RASSF7: variants seen among roughly 807,000 people sequenced by gnomAD.
The protein encoded by RASSF7 is ras association domain-containing protein 7.
In RASSF7, 41 loss-of-function variants were observed where a neutral mutation model predicts 33.8. The ratio of observed to expected loss-of-function variants is 1.21; its 90% confidence interval spans 0.95 to 1.57. The LOEUF is 1.57. Among genes scored for constraint, RASSF7 ranks in the 40% most tolerant of loss-of-function variants. RASSF7 has a pLI of 0.00. For missense variants in RASSF7, 622 were observed against 497.0 expected, an observed-to-expected ratio of 1.25 and a Z score of -2.39; for synonymous variants, 298 against 212.8, an observed-to-expected ratio of 1.40 and a Z score of -3.48.
In RASSF7 at chr11:562,075, C is replaced by A. The variant is rs746992025; in HGVS notation, c.125-4C>A. ...ATAGGCTGACCTTCTCCTCTTCTTC[C>A]CAGGCCAGACTGGCCGCTTTGTGCT... is the stretch of plus-strand genomic sequence containing the variant. On this transcript the variant is annotated splice_polypyrimidine_tract_variant and splice_region_variant and intron_variant, in intron 2 of 5. Coordinates refer to ENST00000397583, the MANE Select transcript of RASSF7 (RefSeq NM_003475.4). 4 of 1,508,698 alleles carry A rather than the reference C, an allele frequency of 2.7e-6. No homozygotes were observed. Among genetic ancestry groups the A allele is most frequent in the Non-Finnish European group, 3.5e-6 (4 of 1,126,808 alleles). 93.5% of individuals were successfully genotyped at this position (1,508,698 alleles called of 1,614,324 possible).
rs544432445 is a variant in RASSF7 at position 561,014 on chromosome 11, C to G, written c.-471C>G. The G allele has an allele frequency of 7.8e-6, 8 of 1,020,084 alleles. No homozygotes were observed. Among genetic ancestry groups the G allele is most frequent in the Non-Finnish European group, 9.4e-6 (8 of 853,446 alleles). 63.2% of individuals were successfully genotyped at this position (1,020,084 alleles called of 1,614,324 possible). The stretch of plus-strand genomic sequence containing the variant: ...GTTGCGGCGGCGCCGGAGCGGGTCT[C>G]CAGGCTGGCGAGCGCCCAGGTGAGC... On this transcript the variant is annotated 5_prime_UTR_variant, in exon 1 of 6. Transcript: ENST00000397583.
rs202059750 is a variant in RASSF7 at position 562,495 on chromosome 11, C to T, written c.541C>T (p.Arg181Trp). The T allele has an allele frequency of 1.7e-4, 258 of 1,550,018 alleles. 1 individual carries two copies. The East Asian group carries it at 5.4e-3, about 32-fold the overall frequency. ...HEAFWEQELR[R>W]EQAREREGQA... Reference sequence around the variant, plus strand: ...GGCCTTCTGGGAGCAAGAGCTGCGCCGGGAGCAGGCCCGGGAGCGAGAGGG... The same window carrying T: ...GGCCTTCTGGGAGCAAGAGCTGCGCTGGGAGCAGGCCCGGGAGCGAGAGGG... Residue 181 changes from arginine (R) to tryptophan (W), a missense_variant, in exon 3 of 6, where the codon CGG (arginine) becomes TGG (tryptophan). Transcript: ENST00000397583.
At position 562,764 on chromosome 11, in the gene RASSF7, G is replaced by T; in HGVS notation, c.810G>T (p.Glu270Asp). 1 of 1,505,986 alleles carries T rather than the reference G, an allele frequency of 6.6e-7. No homozygotes were observed. The highest frequency in any genetic ancestry group is 8.8e-7 in the Non-Finnish European group (1 of 1,131,030). 93.3% of individuals were successfully genotyped at this position (1,505,986 alleles called of 1,614,324 possible). A position where few individuals can be genotyped will look rare whatever the true frequency, so the allele number is the denominator to read the frequency against. ...TGAGCCGGGCCCTGGAGGCAGCAGA[G>T]CGAGCCTTGCAGGTGAGCCCGGGGA... ...ALVSRALEAA[E>D]RALQAQAQEL... Residue 270 changes from glutamate (E) to aspartate (D), a missense_variant, in exon 3 of 6, where the codon GAG (glutamate) becomes GAT (aspartate). Glu to Asp is a conservative substitution (Grantham distance 45). Transcript: ENST00000397583.
At chr11:562,798 CCT>C (rs1203659360) in intron 3 of RASSF7, 22 bp downstream of exon 3, 19 of 1,443,070 alleles carry the variant, frequency 1.3e-5, no homozygotes, top group Admixed American at 7.8e-5. Context: ...GACCTGATCC[CCT>C]GTCACTCCCC....
At position 563,391 on chromosome 11, in the gene RASSF7, C is replaced by G; in HGVS notation, c.952-5C>G. On this transcript the variant is annotated splice_polypyrimidine_tract_variant and splice_region_variant and intron_variant, in intron 4 of 5. Coordinates refer to ENST00000397583, the MANE Select transcript of RASSF7 (RefSeq NM_003475.4). ...CCCACTCCAAGCTGACTTCCCAACC[C>G]ACAGGGCCCTCTGCCTCCAGCCAGA... The G allele has an allele frequency of 6.2e-7, 1 of 1,611,196 alleles. No individual in the cohort carries two copies. Among genetic ancestry groups the G allele is most frequent in the South Asian group, 1.1e-5 (1 of 90,834 alleles).
In RASSF7 at chr11:563,971, G is replaced by A. The variant is rs980371344; in HGVS notation, c.*326G>A. On this transcript the variant is annotated 3_prime_UTR_variant, in exon 6 of 6. Transcript: ENST00000397583. ...GTGTACACAGCAAGAGCATGTGTGT[G>A]CCACTTCCCCTACCCCAACGTGAAA... The A allele has an allele frequency of 4.7e-6, 2 of 423,476 alleles. No individual in the cohort carries two copies. Among genetic ancestry groups the A allele is most frequent in the Non-Finnish European group, 4.2e-6 (1 of 236,966 alleles). 26.2% of individuals were successfully genotyped at this position (423,476 alleles called of 1,614,324 possible).
Position 563,887 on chromosome 11 carries a change from A to T in RASSF7, c.*242A>T. 1.7e-6 allele frequency: 1 copy of T among 580,148 alleles called. No homozygotes were observed. Among genetic ancestry groups the T allele is most frequent in the Non-Finnish European group, 3.1e-6 (1 of 326,862 alleles). 35.9% of individuals were successfully genotyped at this position (580,148 alleles called of 1,614,324 possible). A position where few individuals can be genotyped will look rare whatever the true frequency, so the allele number is the denominator to read the frequency against. ...ACTGCCTGTTGGGGACAGGAGATGC[A>T]TGGACAGTGTGCTCAAGCTGTGGGC... On this transcript the variant is annotated 3_prime_UTR_variant, in exon 6 of 6. Transcript: ENST00000397583.
chr11:563,802 G>A lies in RASSF7; in HGVS notation c.*157G>A, dbSNP rs1483534474. The stretch of plus-strand genomic sequence containing the variant: ...TGCCCTAGTCCTTGCCAGGTCGCCA[G>A]CACCCTGGAGAAGCATGGGGCGTAG... On this transcript the variant is annotated 3_prime_UTR_variant, in exon 6 of 6. Transcript: ENST00000397583. The A allele has an allele frequency of 4.3e-6, 3 of 695,102 alleles. No homozygotes were observed. The highest frequency in any genetic ancestry group is 5.5e-5 in the East Asian group (2 of 36,550). 43.1% of individuals were successfully genotyped at this position (695,102 alleles called of 1,614,324 possible).
chr11:563,424 CCCT>C lies in RASSF7; in HGVS notation c.984_986del (p.Leu329del), dbSNP rs753246720. The C allele has an allele frequency of 6.2e-7, 1 of 1,611,834 alleles. No individual in the cohort carries two copies. Among genetic ancestry groups the C allele is most frequent in the South Asian group, 1.1e-5 (1 of 90,950 alleles). ...CCTCTGCCTCCAGCCAGAGAGGAGT[CCCT>C]CCTGGGCGCTCCCTCTGAGTCCCAT... On this transcript the variant is annotated inframe_deletion, in exon 5 of 6. Transcript: ENST00000397583.
At chr11:563,118 G>A in intron 3 of RASSF7, 71 bp from the exon 4 acceptor site, 1 of 1,428,482 alleles carries the variant, frequency 7.0e-7, no homozygotes, top group Non-Finnish European at 9.4e-7. Context: ...ACCAGGGAAA[G>A]TGCTCCCTCC....
At chr11:561,682 G>T in intron 1 of RASSF7, 80 bp from the exon 2 acceptor site, 1 of 1,586,980 alleles carries the variant, frequency 6.3e-7, no homozygotes, top group Non-Finnish European at 8.6e-7. Flanking sequence ...TCTAGGGCAG[G>T]CCAAGAGGAT....
At position 562,417 on chromosome 11, in the gene RASSF7, C is replaced by T. The variant is rs543497866; in HGVS notation, c.463C>T (p.Leu155=). ...ACCCACACCAGGCTGCTGCACAGAC[C>T]TGCGGGGCCTGGAGCTCAGGGTGCA... ...VTPTPGCCTD[L]RGLELRVQRN... The change falls in exon 3 of 6, where the codon CTG becomes TTG. Residue 155 remains leucine (L), a synonymous_variant. Coordinates refer to ENST00000397583, the MANE Select transcript of RASSF7 (RefSeq NM_003475.4). The T allele has an allele frequency of 2.6e-6, 4 of 1,557,826 alleles. No individual in the cohort carries two copies. Among genetic ancestry groups the T allele is most frequent in the African/African-American group, 2.7e-5 (2 of 73,368 alleles).
Position 562,716 on chromosome 11 carries a change from G to A in RASSF7, c.762G>A (p.Glu254=). The A allele has an allele frequency of 2.6e-6, 4 of 1,540,650 alleles. No homozygotes were observed. Among genetic ancestry groups the A allele is most frequent in the Non-Finnish European group, 3.5e-6 (4 of 1,145,958 alleles). ...CTGTTCAGGAGCGGCAGAGTGCGGAGGTGCAGGGCAGCCTGGCTCTGGTGA... is the reference window on the plus strand; with the variant it reads ...CTGTTCAGGAGCGGCAGAGTGCGGAAGTGCAGGGCAGCCTGGCTCTGGTGA... ...DLAVQERQSA[E]VQGSLALVSR... is the part of the protein sequence containing the mutation. The change falls in exon 3 of 6, where the codon GAG becomes GAA. Residue 254 remains glutamate, a synonymous_variant. Transcript: ENST00000397583.
rs34822421 is a variant in RASSF7, at chr11:563,400, C to T, written c.956C>T (p.Pro319Leu). 13,516 of 1,611,596 alleles carry T rather than the reference C, an allele frequency of 8.4e-3. 74 individuals carry two copies. Among genetic ancestry groups the T allele is most frequent in the Middle Eastern group, 0.017 (100 of 6,052 alleles). ...AGCTGACTTCCCAACCCACAGGGCC[C>T]TCTGCCTCCAGCCAGAGAGGAGTCC... ...PDRGPPGTQG[P>L]LPPAREESLL... The change falls in exon 5 of 6, where the codon CCT becomes CTT. Residue 319 changes from proline to leucine, a missense_variant. Transcript: ENST00000397583.
At chr11:563,360 C>A in intron 4 of RASSF7, 36 bp from the exon 5 acceptor site, 1 of 1,608,236 alleles carries the variant, frequency 6.2e-7, no homozygotes. Flanking sequence ...GAGGACCTGG[C>A]CCAGCCCCAC....
chr11:561,585 G>A lies in RASSF7; in HGVS notation c.-8+108G>A, dbSNP rs558965441. 8 of 1,390,758 alleles carry A rather than the reference G, an allele frequency of 5.8e-6. 1 individual carries two copies. Among genetic ancestry groups the A allele is most frequent in the Middle Eastern group, 5.3e-4 (2 of 3,796 alleles). 86.2% of individuals were successfully genotyped at this position (1,390,758 alleles called of 1,614,324 possible). A position where few individuals can be genotyped will look rare whatever the true frequency, so the allele number is the denominator to read the frequency against. On this transcript the variant is annotated intron_variant, in intron 1 of 5. Coordinates refer to ENST00000397583, the MANE Select transcript of RASSF7 (RefSeq NM_003475.4). ...AGTGGGGGAGGATGCGTGCTCCGGA[G>A]GGCCGCCACCCCAGGAATGTGTGGC...
Position 562,316 on chromosome 11 carries a change from G to A in RASSF7, c.362G>A (p.Gly121Asp), listed in dbSNP as rs1418812583. The A allele has an allele frequency of 3.7e-6, 6 of 1,611,552 alleles. No homozygotes were observed. The Admixed American group carries it at 5.0e-5, about 13-fold the overall frequency. ...SLPVKPRAAL[G>D]CEPRKTLTPE... is the part of the protein sequence containing the mutation. ...CCTGTAAAGCCACGGGCTGCGCTGG[G>A]CTGTGAGCCCCGCAAAACACTGACC... Residue 121 changes from glycine to aspartate, a missense_variant, in exon 3 of 6, where the codon GGC becomes GAC. Physicochemically the swap from Gly to Asp is moderately conservative, Grantham distance 94. Coordinates refer to ENST00000397583, the MANE Select transcript of RASSF7 (RefSeq NM_003475.4).
In RASSF7 at chr11:561,081, G is replaced by C. The variant is rs1196166519; in HGVS notation, c.-404G>C. On this transcript the variant is annotated 5_prime_UTR_variant, in exon 1 of 6. Coordinates refer to ENST00000397583, the MANE Select transcript of RASSF7 (RefSeq NM_003475.4). Reference sequence around the variant, plus strand: ...TACTTGGGAGCGCGGGGCGCGCCTCGAGCCGGCCGGACGCCGACTCCAACT... The same window carrying C: ...TACTTGGGAGCGCGGGGCGCGCCTCCAGCCGGCCGGACGCCGACTCCAACT... 1 of 987,654 alleles carries C rather than the reference G, an allele frequency of 1.0e-6. No individual in the cohort carries two copies. The highest frequency in any genetic ancestry group is 1.7e-5 in the African/African-American group (1 of 57,230). The allele number at this position is 987,654 out of a possible 1,614,324, so 61.2% of individuals were successfully genotyped here.
Position 562,240 on chromosome 11 carries a change from T to C in RASSF7, c.286T>C (p.Ser96Pro). ...RTGPSLAGRP[S>P]SDSCPPPERC... is the part of the protein sequence containing the mutation. ...AGGGCCCAGCCTAGCTGGGAGGCCC[T>C]CCTCAGACAGCTGTCCACCCCCGGA... The change falls in exon 3 of 6, where the codon TCC becomes CCC. Residue 96 changes from serine to proline, a missense_variant. Coordinates refer to ENST00000397583, the MANE Select transcript of RASSF7 (RefSeq NM_003475.4). 8.7e-6 allele frequency: 14 copies of C among 1,612,566 alleles called. No individual in the cohort carries two copies. The highest frequency in any genetic ancestry group is 1.2e-5 in the Non-Finnish European group (14 of 1,179,808).
Sources: allele counts gnomAD v4.1 joint callset, GRCh38; gene constraint gnomAD v4.1.1; transcripts MANE v1.5; gene names NCBI Gene and HGNC (gene_info 2026-07-23, HGNC 2026-07-21).